Variants in RAPH1 observed in about 807,000 individuals in gnomAD.
RAPH1 encodes Ras association (RalGDS/AF-6) and pleckstrin homology domains 1, also known as ras-associated and pleckstrin homology domains-containing protein 1.
Under a neutral mutation model 88.1 loss-of-function variants are expected in RAPH1, and 18 were observed. That is an observed-to-expected ratio of 0.20 (90% confidence interval 0.14 to 0.30). The LOEUF (loss-of-function observed/expected upper bound fraction) is 0.30, where lower values mean the gene tolerates loss of function less well. Among genes scored for constraint, RAPH1 ranks in the 10% least tolerant of loss-of-function variants. The pLI, the probability that RAPH1 is intolerant of heterozygous loss-of-function variation, is 1.00. For synonymous variants in RAPH1, 587 were observed against 559.0 expected (o/e 1.05, Z -0.71); for missense variants, 1,448 against 1,543.2 (o/e 0.94, Z 1.03).
At chr2:203,503,972 G>A (rs1305141172) in intron 1 of RAPH1, among the ~76,000 whole-genome samples, 1 of 152,196 alleles carries the variant, frequency 6.6e-6, no homozygotes, top group Non-Finnish European at 1.5e-5. Context: ...TGCAAAAGGT[G>A]GGTTCCCATG....
chr2:203,470,932 G>A (rs936178978), intron 4 of RAPH1, among the ~76,000 whole-genome samples: 2 of 152,142 alleles, frequency 1.3e-5, no homozygotes, highest in Non-Finnish European at 2.9e-5. Context: ...AGAATTTGCA[G>A]AGCAAATGAA....
In RAPH1 at chr2:203,440,401, G is replaced by A; in HGVS notation, c.2789C>T (p.Pro930Leu). ...TGGGGCTGGGACAGGTGATGGGGGT[G>A]GAGGAGGAAACACCAGGCTGCTTTC... ...PPESSLVFPP[P>L]PPSPVPAPPP... The change falls in exon 14 of 14, where the codon CCA becomes CTA. Residue 930 changes from proline (P) to leucine (L), a missense_variant. Physicochemically the swap from Pro to Leu is moderately conservative, Grantham distance 98. Around this residue, in one of 2 missense-constraint regions of RAPH1, gnomAD observed 935 missense variants for 890.1 expected, o/e 1.05. Transcript: ENST00000319170. 1 of 1,568,406 alleles carries A rather than the reference G, an allele frequency of 6.4e-7. No individual in the cohort carries two copies. The highest frequency in any genetic ancestry group is 1.2e-5 in the South Asian group (1 of 83,784).
At chr2:203,514,679 C>G (rs532569637) in intron 1 of RAPH1, among the ~76,000 whole-genome samples, 1 of 151,990 alleles carries the variant, frequency 6.6e-6, no homozygotes, top group East Asian at 1.9e-4. Context: ...CTCAGCCTCC[C>G]GAGTAGCTGG....
At chr2:203,492,922 A>G (rs1163412792) in intron 2 of RAPH1, among the ~76,000 whole-genome samples, 1 of 152,208 alleles carries the variant, frequency 6.6e-6, no homozygotes, top group Non-Finnish European at 1.5e-5. Context: ...AAACTATTTT[A>G]GAAGATTGAC....
At chr2:203,510,335 C>CAAAAAAA (rs33911103) in intron 1 of RAPH1, among the ~76,000 whole-genome samples, 4 of 38,096 alleles carry the variant, frequency 1.0e-4, no homozygotes, top group Admixed American at 8.4e-4. Context: ...AACTCCATCT[C>CAAAAAAA]AAAAAAAAAA....
At chr2:203,493,400 A>G (rs1688361704) in intron 2 of RAPH1, among the ~76,000 whole-genome samples, 2 of 152,186 alleles carry the variant, frequency 1.3e-5, no homozygotes, top group South Asian at 4.1e-4. Flanking sequence ...CAATAAAACC[A>G]CATGGTCAAG....
At chr2:203,491,101 G>T in intron 3 of RAPH1, 113 bp downstream of exon 3, 1 of 570,428 alleles carries the variant, frequency 1.8e-6, no homozygotes, top group Non-Finnish European at 3.0e-6. Context: ...ACTTGGTCGA[G>T]TTATGCATGT....
chr2:203,480,539 C>G (rs754325885), intron 4 of RAPH1, among the ~76,000 whole-genome samples: 1 of 152,114 alleles, frequency 6.6e-6, no homozygotes, highest in Non-Finnish European at 1.5e-5. Context: ...AAGAGCAAGA[C>G]CCTGTCTCAA....
At chr2:203,507,714 TAA>T (rs1410228303) in intron 1 of RAPH1, among the ~76,000 whole-genome samples, 1 of 152,196 alleles carries the variant, frequency 6.6e-6, no homozygotes, top group East Asian at 1.9e-4. Flanking sequence ...CAATGGAACT[TAA>T]AGAGACATGA....
chr2:203,491,621 A>G (rs549145899), intron 2 of RAPH1, among the ~76,000 whole-genome samples: 3 of 152,084 alleles, frequency 2.0e-5, no homozygotes, highest in Non-Finnish European at 4.4e-5. Context: ...CCCGGGTTCA[A>G]GGGATCCTCC....
At position 203,514,951 on chromosome 2, in the gene RAPH1, GTAAAAC is replaced by G. The variant is rs1208458388; in HGVS notation, c.1-19604_1-19599del. 2.6e-5 allele frequency among the ~76,000 whole-genome samples: 4 copies of G among 152,226 alleles called. No individual in the cohort carries two copies. In the South Asian group the frequency reaches 6.2e-4, roughly 24 times the overall value. On this transcript the variant is annotated intron_variant, in intron 1 of 13. Transcript: ENST00000319170. ...GAATAGAAAAAGTGTTTAAAACTAA[GTAAAAC>G]TAAAGCTTCAGAATAATGCTGCCAT...
At chr2:203,475,725 G>C (rs1350244540) in intron 4 of RAPH1, among the ~76,000 whole-genome samples, 1 of 132,450 alleles carries the variant, frequency 7.6e-6, no homozygotes, top group Non-Finnish European at 1.6e-5. Flanking sequence ...TCATATTTCT[G>C]TTCTTTTTCC....
intron 4 of RAPH1, among the ~76,000 whole-genome samples, chr2:203,470,858 C>T (rs2098532405): frequency 6.6e-6 from 1 of 152,128 alleles, no homozygotes; most frequent in African/African-American, 2.4e-5. Flanking sequence ...CACCTGTTTT[C>T]AGTAAAACTT....
chr2:203,457,068 T>A (rs1581272728), intron 8 of RAPH1, among the ~76,000 whole-genome samples: 1 of 152,124 alleles, frequency 6.6e-6, no homozygotes, highest in Non-Finnish European at 1.5e-5. Context: ...ACAGTTGAAC[T>A]CTCTCCCTCA....
chr2:203,509,149 C>A (rs527950828), intron 1 of RAPH1, among the ~76,000 whole-genome samples: 2 of 146,810 alleles, frequency 1.4e-5, no homozygotes, highest in African/African-American at 5.0e-5. Context: ...TGGCTCACTG[C>A]AACCTCTGCC....
At position 203,440,825 on chromosome 2, in the gene RAPH1, T is replaced by G. The variant is rs781744499; in HGVS notation, c.2365A>C (p.Thr789Pro). 1 of 1,436,352 alleles carries G rather than the reference T, an allele frequency of 7.0e-7. No individual in the cohort carries two copies. Among genetic ancestry groups the G allele is most frequent in the Non-Finnish European group, 9.3e-7 (1 of 1,075,728 alleles). The allele number at this position is 1,436,352 out of a possible 1,614,324, so 89.0% of individuals were successfully genotyped here. ...ACAGGTGCCACAGTCTTGGTGCTGG[T>G]TGGTGCGGGGATGGTCACAAGGGGT... ...PKPLVTIPAP[T>P]STKTVAPVVT... The change falls in exon 14 of 14, where the codon ACC becomes CCC. Residue 789 changes from threonine (T) to proline (P), a missense_variant. Transcript: ENST00000319170.
rs1311451966 is a variant in RAPH1, at chr2:203,447,708, TTATAAA to T, written c.1633+245_1633+250del. On this transcript the variant is annotated intron_variant, in intron 12 of 13. Transcript: ENST00000319170. ...GCAGTATGTATGTTTTGAATAAATT[TTATAAA>T]TATAAATAACAAAACTGGCTTTAGA... 5 of 281,368 alleles carry T rather than the reference TTATAAA, an allele frequency of 1.8e-5. No individual in the cohort carries two copies. In the East Asian group the frequency reaches 2.7e-4, roughly 15 times the overall value. The allele number at this position is 281,368 out of a possible 1,614,324, so 17.4% of individuals were successfully genotyped here. A position where few individuals can be genotyped will look rare whatever the true frequency, so the allele number is the denominator to read the frequency against.
rs553493033 is a variant in RAPH1, at chr2:203,476,012, T to A, written c.732+13572A>T. Among the ~76,000 whole-genome samples the A allele has an allele frequency of 1.3e-3, 197 of 152,328 alleles. 1 individual carries two copies. The highest frequency in any genetic ancestry group is 2.1e-3 in the Admixed American group (32 of 15,300). On this transcript the variant is annotated intron_variant, in intron 4 of 13. Transcript: ENST00000319170. ...ACAAATTTCACTTGGACAGTAAAGA[T>A]GGTGTTAGAAATCATCACAAAGGTA...
Position 203,439,183 on chromosome 2 carries a change from G to A in RAPH1, c.*254C>T. On this transcript the variant is annotated 3_prime_UTR_variant, in exon 14 of 14. Transcript: ENST00000319170. ...TACAGAACACCCATTTTCAGATTAG[G>A]AGAGAAAAGGAATAAATAGAATAAC... 1 of 384,338 alleles carries A rather than the reference G, an allele frequency of 2.6e-6. No individual in the cohort carries two copies. Among genetic ancestry groups the A allele is most frequent in the Non-Finnish European group, 4.7e-6 (1 of 212,086 alleles). The allele number at this position is 384,338 out of a possible 1,614,324, so 23.8% of individuals were successfully genotyped here.
Sources: allele counts gnomAD v4.1 joint callset (sites outside exome capture counted in the v4.1 genomes callset), GRCh38; gene constraint gnomAD v4.1.1; regional missense constraint gnomAD v4.1.1; transcripts MANE v1.5; gene names NCBI Gene and HGNC (gene_info 2026-07-23, HGNC 2026-07-21).